TPTE: variants seen among roughly 807,000 people sequenced by gnomAD.
TPTE encodes the protein transmembrane phosphatase with tensin homology, also known as putative tyrosine-protein phosphatase TPTE.
A neutral mutation model predicts 84.1 loss-of-function variants in TPTE; 59 were observed. The ratio of observed to expected loss-of-function variants is 0.70; its 90% CI spans 0.57 to 0.87. The LOEUF is 0.87. TPTE is among the 40% of genes least tolerant of loss of function. The pLI is 0.00. For missense variants in TPTE, 382 were observed against 659.6 expected (o/e 0.58, Z 4.61); for synonymous variants, 130 against 223.5 (o/e 0.58, Z 3.73).
At chr21:10,585,505 G>A (rs562904062) in intron 17 of TPTE, among the ~76,000 whole-genome samples, 9,328 of 139,554 alleles carry the variant, frequency 0.067, no homozygotes, top group African/African-American at 0.17. Flanking sequence ...TTAAATTGCC[G>A]GATTCTGTCC....
At chr21:10,522,153 C>G (rs1304327876) in intron 1 of TPTE, among the ~76,000 whole-genome samples, 4 of 152,374 alleles carry the variant, frequency 2.6e-5, no homozygotes, top group South Asian at 2.1e-4. Context: ...TGTCCCCCCC[C>G]AGGATGACCT....
chr21:10,590,527 T>C lies in TPTE; in HGVS notation c.1089+4T>C, dbSNP rs749240767. On this transcript the variant is annotated splice_donor_region_variant and intron_variant, in intron 18 of 23. Transcript: ENST00000618007. ...TGAAATATGTTCAACTGCAAAGGTA[T>C]GAAAGATGTTCTACAAACTTTGTCT... The C allele has an allele frequency of 5.0e-6, 8 of 1,613,910 alleles. No homozygotes were observed. In the Admixed American group the frequency reaches 1.0e-4, roughly 20 times the overall value.
At chr21:10,572,078 T>C (rs1188250377) in intron 14 of TPTE, among the ~76,000 whole-genome samples, 1 of 152,062 alleles carries the variant, frequency 6.6e-6, no homozygotes, top group East Asian at 1.9e-4. Flanking sequence ...TCTAGGAAGC[T>C]CAAAGGTTCT....
At chr21:10,539,782 C>T (rs469656) in intron 4 of TPTE, among the ~76,000 whole-genome samples, 31,329 of 143,972 alleles carry the variant, frequency 0.22, 63 homozygotes, top group African/African-American at 0.47. Flanking sequence ...GAGGCCAGGG[C>T]GGGTGGATAA....
intron 7 of TPTE, among the ~76,000 whole-genome samples, chr21:10,546,425 T>G (rs2074468829): frequency 2.6e-5 from 4 of 152,300 alleles, no homozygotes; most frequent in Admixed American, 2.6e-4. Flanking sequence ...TTAGTAAGCC[T>G]ATGATGGTCT....
intron 7 of TPTE, among the ~76,000 whole-genome samples, chr21:10,551,603 T>G (rs1052625182): frequency 6.6e-6 from 1 of 152,268 alleles, no homozygotes; most frequent in Admixed American, 6.5e-5. Flanking sequence ...ATAAACACAT[T>G]TGAGGCAAAA....
At chr21:10,527,617 A>G (rs1353237261) in intron 3 of TPTE, among the ~76,000 whole-genome samples, 73 of 152,394 alleles carry the variant, frequency 4.8e-4, no homozygotes, top group African/African-American at 1.7e-3. Flanking sequence ...GGAAACTATC[A>G]GAATGCCTGT....
chr21:10,560,281 A>AT (rs2074771501), intron 9 of TPTE, among the ~76,000 whole-genome samples: 1 of 152,310 alleles, frequency 6.6e-6, no homozygotes, highest in African/African-American at 2.4e-5. Flanking sequence ...TCTTCTCTAC[A>AT]TAAGAGTAAG....
chr21:10,536,344 C>T (rs555971970), intron 3 of TPTE, among the ~76,000 whole-genome samples: 1 of 152,310 alleles, frequency 6.6e-6, no homozygotes, highest in Non-Finnish European at 1.5e-5. Context: ...CCAGATAGTA[C>T]ATTGTAGAGT....
chr21:10,591,791 A>T (rs2075481381), intron 18 of TPTE, among the ~76,000 whole-genome samples: 1 of 152,426 alleles, frequency 6.6e-6, no homozygotes, highest in Admixed American at 6.5e-5. Context: ...AGGTGTTTCT[A>T]GCTCTAAAAT....
chr21:10,603,713 G>T (rs1484690014), intron 23 of TPTE, 81 bp downstream of exon 23: 5 of 1,529,106 alleles, frequency 3.3e-6, no homozygotes, highest in South Asian at 2.4e-5. Context: ...TCTTTTGCTG[G>T]TTGTCATAAA....
intron 14 of TPTE, among the ~76,000 whole-genome samples, chr21:10,574,941 G>A (rs1163496273): frequency 1.3e-5 from 2 of 152,430 alleles, no homozygotes; most frequent in South Asian, 2.1e-4. Flanking sequence ...AGCACAGTGG[G>A]AAATCTGTCC....
chr21:10,550,768 C>G (rs928626100), intron 7 of TPTE, among the ~76,000 whole-genome samples: 1 of 152,310 alleles, frequency 6.6e-6, no homozygotes, highest in African/African-American at 2.4e-5. Flanking sequence ...CAAACATGTA[C>G]AGAACATCTC....
At chr21:10,584,879 AGTGTGTGTGTGTGTGT>A (rs56198162) in intron 17 of TPTE, among the ~76,000 whole-genome samples, 359 of 148,840 alleles carry the variant, frequency 2.4e-3, no homozygotes, top group African/African-American at 7.2e-3. Flanking sequence ...ATGCTTTACG[AGTGTGTGTGTGTGTGT>A]GTGTGTGTGT....
intron 14 of TPTE, among the ~76,000 whole-genome samples, chr21:10,575,497 T>A (rs2075131932): frequency 6.6e-6 from 1 of 152,312 alleles, no homozygotes; most frequent in South Asian, 2.1e-4. Flanking sequence ...GCAGCACACC[T>A]GCTCTACCCC....
chr21:10,569,846 C>T, intron 13 of TPTE, 100 bp downstream of exon 13: 1 of 1,610,548 alleles, frequency 6.2e-7, no homozygotes, highest in South Asian at 1.1e-5. Flanking sequence ...TCAAAATATT[C>T]TTTATTCATG....
chr21:10,537,469 G>T (rs1475928600), intron 3 of TPTE, among the ~76,000 whole-genome samples: 1 of 152,304 alleles, frequency 6.6e-6, no homozygotes, highest in Admixed American at 6.5e-5. Context: ...ACGAGGTCAG[G>T]AGATCGACAC....
chr21:10,582,094 A>T, intron 17 of TPTE, among the ~76,000 whole-genome samples: 1 of 152,428 alleles, frequency 6.6e-6, no homozygotes, highest in Non-Finnish European at 1.5e-5. Flanking sequence ...TATATATTTC[A>T]CGCTTTTCTG....
intron 3 of TPTE, 146 bp from the exon 4 acceptor site, chr21:10,538,535 T>G: frequency 3.1e-6 from 4 of 1,271,398 alleles, no homozygotes; most frequent in Non-Finnish European, 4.4e-6. Flanking sequence ...AATTAAAAAA[T>G]GACATTTCAG....
Sources: gnomAD v4.1 joint callset for allele counts (sites outside exome capture counted in the v4.1 genomes callset) on GRCh38, gnomAD v4.1.1 for gene constraint, MANE v1.5 for transcripts, NCBI Gene and HGNC (gene_info 2026-07-23, HGNC 2026-07-21) for gene names.